The following CACNA1C variants were observed in gnomAD, a reference collection of about 807,000 sequenced individuals.
CACNA1C encodes calcium voltage-gated channel subunit alpha1 C.
Under a neutral mutation model 229.0 loss-of-function variants are expected in CACNA1C, and 30 were observed. The observed-to-expected ratio is 0.13, with a 90% CI of 0.10 to 0.18. The LOEUF is 0.18. CACNA1C is among the 10% of genes least tolerant of loss of function. The pLI, the probability that CACNA1C is intolerant of heterozygous loss-of-function variation, is 1.00. For synonymous variants in CACNA1C, 1,114 were observed against 1,132.5 expected (o/e 0.98, Z 0.33); for missense variants, 1,658 against 2,845.0 (o/e 0.58, Z 9.49).
At chr12:2,043,694 GCCGGA>G (rs1566017198) in intron 1 of CACNA1C, among the ~76,000 whole-genome samples, 25 of 139,520 alleles carry the variant, frequency 1.8e-4, no homozygotes, top group African/African-American at 6.8e-4. Flanking sequence ...TGTCGCCCAG[GCCGGA>G]CTGCGGACTG....
Position 2,664,882 on chromosome 12 carries a change from G to T in CACNA1C, c.4290G>T (p.Lys1430Asn), listed in dbSNP as rs767790076. 1 of 1,613,134 alleles carries T rather than the reference G, an allele frequency of 6.2e-7. No homozygotes were observed. Among genetic ancestry groups the T allele is most frequent in the Non-Finnish European group, 8.5e-7 (1 of 1,179,464 alleles). Reference protein sequence around the residue: ...DIMLACMPGKKCAPESEPSNS... With the variant: ...DIMLACMPGKNCAPESEPSNS... ...TGCTGGCCTGCATGCCAGGCAAGAAGTGTGCCCCAGAGTCCGAGCCCAGCA... is the reference window on the plus strand; with the variant it reads ...TGCTGGCCTGCATGCCAGGCAAGAATTGTGCCCCAGAGTCCGAGCCCAGCA... The change falls in exon 35 of 47, where the codon AAG (lysine) becomes AAT (asparagine). Residue 1430 changes from lysine to asparagine, a missense_variant. This residue lies in a region of CACNA1C where 151 missense variants were observed against 344.4 expected (regional missense o/e 0.44). Coordinates refer to ENST00000399655, the MANE Select transcript of CACNA1C (RefSeq NM_000719.7).
At chr12:2,454,485 C>T (rs1460756461) in intron 4 of CACNA1C, among the ~76,000 whole-genome samples, 1 of 152,190 alleles carries the variant, frequency 6.6e-6, no homozygotes, top group African/African-American at 2.4e-5. Flanking sequence ...TTCCAGCCAG[C>T]TCAGACGCCA....
rs1407456999 is a variant in CACNA1C, at chr12:1,993,026, C to T, written c.139+21825C>T. The T allele has an allele frequency of 7.6e-6, 5 of 657,116 alleles. No homozygotes were observed. In the Admixed American group the frequency reaches 1.3e-4, roughly 17 times the overall value. 40.7% of individuals were successfully genotyped at this position (657,116 alleles called of 1,614,324 possible). ...GGGTTCACACTACAAATCCATAAAG[C>T]TTCAAAAGACAGGGTTTAGGTTTAT... On this transcript the variant is annotated intron_variant, in intron 1 of 46. Coordinates refer to the CACNA1C transcript ENST00000682462.
At position 2,649,208 on chromosome 12, in the gene CACNA1C, G is replaced by A. The variant is rs1484898918; in HGVS notation, c.3945+701G>A. ...CTCCTGTTGTAGGAGTCTCTGATTC[G>A]CGTTGGTTGAAGTGATAAAAGAGAC... On this transcript the variant is annotated intron_variant, in intron 31 of 46. Transcript: ENST00000399655. This position sits in a 1 kb window ranked among gnomAD's most constrained non-coding sequence, Gnocchi z 4.4. 2.0e-5 allele frequency among the ~76,000 whole-genome samples: 3 copies of A among 152,202 alleles called. No homozygotes were observed. Among genetic ancestry groups the A allele is most frequent in the South Asian group, 2.1e-4 (1 of 4,828 alleles).
intron 43 of CACNA1C, among the ~76,000 whole-genome samples, chr12:2,685,042 A>T (rs1675235372): frequency 6.6e-6 from 1 of 152,218 alleles, no homozygotes; most frequent in African/African-American, 2.4e-5. Context: ...TAATAAAAAT[A>T]GAACAGACTA....
rs532446052 is a variant in CACNA1C at position 2,630,092 on chromosome 12, A to G, written c.3829-4205A>G. On this transcript the variant is annotated intron_variant, in intron 29 of 46. Coordinates refer to ENST00000399655, the MANE Select transcript of CACNA1C (RefSeq NM_000719.7). The surrounding 1 kb of genome is among the most constrained non-coding windows in gnomAD (Gnocchi z 5.4). ...GGGCAGCCCGCCCTGCGTGGCTCTG[A>G]GGAGCTGGACAGTAGAGGTTTGGTT... Among the ~76,000 whole-genome samples, 25 of 152,308 alleles carry G rather than the reference A, an allele frequency of 1.6e-4. No individual in the cohort carries two copies. Among genetic ancestry groups the G allele is most frequent in the African/African-American group, 5.5e-4 (23 of 41,570 alleles).
chr12:2,241,405 T>C (rs931835936), intron 3 of CACNA1C, among the ~76,000 whole-genome samples: 9 of 152,148 alleles, frequency 5.9e-5, no homozygotes, highest in African/African-American at 1.7e-4. Context: ...TATCATGCCA[T>C]GTTTTTTATG....
At chr12:2,576,531 G>A (rs904484277) in intron 13 of CACNA1C, among the ~76,000 whole-genome samples, 2 of 152,140 alleles carry the variant, frequency 1.3e-5, no homozygotes, top group Admixed American at 6.5e-5. Flanking sequence ...GTGAGCGTGT[G>A]TATCTCATAT....
intron 3 of CACNA1C, among the ~76,000 whole-genome samples, chr12:2,363,677 TAGCC>T (rs1032890506): frequency 6.6e-6 from 1 of 152,070 alleles, no homozygotes; most frequent in Non-Finnish European, 1.5e-5. Context: ...TGTATAAGAA[TAGCC>T]ACAATATGTG....
intron 11 of CACNA1C, among the ~76,000 whole-genome samples, chr12:2,565,435 CCG>C (rs1568455079): frequency 6.1e-5 from 9 of 147,586 alleles, no homozygotes; most frequent in Admixed American, 1.4e-4. Context: ...CCACTGCAGT[CCG>C]CAGTCCGGCC....
chr12:2,609,769 A>C (rs1336664319), intron 27 of CACNA1C, among the ~76,000 whole-genome samples: 1 of 151,808 alleles, frequency 6.6e-6, no homozygotes. Context: ...TTAGCCCAGA[A>C]TCTCCTTCCC....
At chr12:2,232,742 G>A (rs2065826107) in intron 3 of CACNA1C, among the ~76,000 whole-genome samples, 1 of 152,066 alleles carries the variant, frequency 6.6e-6, no homozygotes, top group Non-Finnish European at 1.5e-5. Flanking sequence ...TCCCATTAAG[G>A]AAAAACTGTC....
intron 4 of CACNA1C, among the ~76,000 whole-genome samples, chr12:2,449,438 A>G (rs1272835220): frequency 6.6e-6 from 1 of 151,742 alleles, no homozygotes. Context: ...CCTAGTGTGC[A>G]CTCCTCCCAG....
intron 6 of CACNA1C, among the ~76,000 whole-genome samples, chr12:2,492,564 G>T (rs887792180): frequency 3.3e-5 from 5 of 152,228 alleles, no homozygotes; most frequent in Non-Finnish European, 7.3e-5. Context: ...CCTCTCCCCG[G>T]CAGTCAGAGT....
chr12:2,390,470 T>A (rs968596498), intron 3 of CACNA1C, among the ~76,000 whole-genome samples: 4 of 152,206 alleles, frequency 2.6e-5, no homozygotes, highest in African/African-American at 9.7e-5. Context: ...CAAGATATAA[T>A]CCTTGCCTTA....
intron 3 of CACNA1C, among the ~76,000 whole-genome samples, chr12:2,328,905 G>A (rs911402178): frequency 2.6e-5 from 4 of 152,158 alleles, no homozygotes; most frequent in East Asian, 1.9e-4. Context: ...GGAGCAATGC[G>A]GTGTCTCATC....
At position 2,664,948 on chromosome 12, in the gene CACNA1C, T is replaced by C. The variant is rs754845072; in HGVS notation, c.4356T>C (p.Ala1452=). Residue 1452 remains alanine (A), a synonymous_variant, in exon 35 of 47, where the codon GCT becomes GCC. Coordinates refer to ENST00000399655, the MANE Select transcript of CACNA1C (RefSeq NM_000719.7). ...AAACACCCTGTGGTAGCAGCTTTGCTGTCTTCTACTTCATCAGCTTCTACA... is the reference window on the plus strand; with the variant it reads ...AAACACCCTGTGGTAGCAGCTTTGCCGTCTTCTACTTCATCAGCTTCTACA... ...EGETPCGSSF[A]VFYFISFYML... 2 of 1,614,206 alleles carry C rather than the reference T, an allele frequency of 1.2e-6. No homozygotes were observed.
chr12:2,684,512 G>C (rs1331024496), intron 43 of CACNA1C, among the ~76,000 whole-genome samples: 1 of 152,106 alleles, frequency 6.6e-6, no homozygotes, highest in East Asian at 1.9e-4. Context: ...AGAGTGCTTG[G>C]TGCACCAGGC....
At chr12:2,635,698 C>T (rs565663537) in intron 30 of CACNA1C, among the ~76,000 whole-genome samples, 12 of 152,266 alleles carry the variant, frequency 7.9e-5, no homozygotes, top group South Asian at 2.1e-4. Flanking sequence ...ATATGTCCCC[C>T]GCTGTAGTCT....
Sources: gnomAD v4.1 joint callset for allele counts (sites outside exome capture counted in the v4.1 genomes callset) on GRCh38, gnomAD v4.1.1 for gene constraint, gnomAD v4.1.1 regional missense constraint, Gnocchi (gnomAD v3.1) non-coding constraint, MANE v1.5 for transcripts, NCBI Gene and HGNC (gene_info 2026-07-23, HGNC 2026-07-21) for gene names.